TMTC2: variants seen among roughly 807,000 people sequenced by gnomAD.
TMTC2 encodes protein O-mannosyl-transferase TMTC2.
A neutral mutation model predicts 82.4 loss-of-function variants in TMTC2; 43 were observed. The ratio of observed to expected loss-of-function variants is 0.52; its 90% CI spans 0.41 to 0.67. The LOEUF is 0.67. TMTC2 is among the 30% of genes least tolerant of loss of function. The pLI is 0.00. For synonymous variants in TMTC2, 408 were observed against 381.9 expected, an observed-to-expected ratio of 1.07 and a Z score of -0.80; for missense variants, 919 against 1,012.4, an observed-to-expected ratio of 0.91 and a Z score of 1.25.
rs1297434594 is a variant in TMTC2, at chr12:82,896,446, G to A, written c.1283G>A (p.Ser428Asn). The A allele has an allele frequency of 1.9e-6, 3 of 1,613,986 alleles. No individual in the cohort carries two copies. Among genetic ancestry groups the A allele is most frequent in the Non-Finnish European group, 2.5e-6 (3 of 1,180,030 alleles). ...VIAERVLYIP[S>N]MGFCLLITVG... ...GCAGAGCGAGTATTATATATTCCTA[G>A]TATGGGCTTCTGCCTACTGATTACA... The change falls in exon 3 of 12, where the codon AGT becomes AAT. Residue 428 changes from serine to asparagine, a missense_variant. By Grantham distance (46) the Ser-to-Asn change is conservative. Transcript: ENST00000321196.
chr12:83,066,039 T>C (rs754029474), intron 11 of TMTC2, among the ~76,000 whole-genome samples: 38 of 152,134 alleles, frequency 2.5e-4, no homozygotes, highest in Middle Eastern at 3.4e-3. Context: ...CTGTGCCAAA[T>C]GTAGTAGGAT....
intron 1 of TMTC2, among the ~76,000 whole-genome samples, chr12:82,737,624 A>G (rs1457181277): frequency 6.6e-6 from 1 of 152,212 alleles, no homozygotes; most frequent in Non-Finnish European, 1.5e-5. Context: ...GTTTGTATAC[A>G]TTTTGTAAAT....
intron 1 of TMTC2, among the ~76,000 whole-genome samples, chr12:82,800,318 C>G (rs772508436): frequency 4.6e-5 from 7 of 152,112 alleles, no homozygotes; most frequent in Non-Finnish European, 5.9e-5. Context: ...CAGGCCTATT[C>G]CAGGCCTGAG....
chr12:82,895,550 G>A (rs959187634), intron 2 of TMTC2, among the ~76,000 whole-genome samples: 1 of 152,014 alleles, frequency 6.6e-6, no homozygotes, highest in African/African-American at 2.4e-5. Flanking sequence ...CAAAATTGAA[G>A]CTATGATTAT....
chr12:82,771,961 A>G (rs1877336314), intron 1 of TMTC2, among the ~76,000 whole-genome samples: 1 of 152,190 alleles, frequency 6.6e-6, no homozygotes, highest in Non-Finnish European at 1.5e-5. Flanking sequence ...TCAATCTTCT[A>G]TTCTCGCAGA....
chr12:82,812,673 A>G (rs1868465779), intron 1 of TMTC2, among the ~76,000 whole-genome samples: 1 of 152,106 alleles, frequency 6.6e-6, no homozygotes, highest in African/African-American at 2.4e-5. Context: ...GTTTATTGAA[A>G]TAATTAAACA....
intron 8 of TMTC2, among the ~76,000 whole-genome samples, chr12:83,020,170 C>A (rs1196941439): frequency 2.0e-5 from 3 of 152,188 alleles, no homozygotes; most frequent in Non-Finnish European, 4.4e-5. Context: ...TTGTGTTTGT[C>A]ATACTCTTAG....
At chr12:83,073,952 A>G (rs1007496147) in intron 11 of TMTC2, among the ~76,000 whole-genome samples, 6 of 152,098 alleles carry the variant, frequency 3.9e-5, no homozygotes, top group African/African-American at 1.2e-4. Context: ...TGGCTTAATA[A>G]CTAACCTCCT....
At chr12:83,126,431 A>T (rs150391093) in intron 11 of TMTC2, among the ~76,000 whole-genome samples, 1 of 152,244 alleles carries the variant, frequency 6.6e-6, no homozygotes, top group East Asian at 1.9e-4. Context: ...TATAATAAAA[A>T]ACCTGCATAT....
intron 8 of TMTC2, among the ~76,000 whole-genome samples, chr12:82,999,569 A>G (rs1230855656): frequency 6.6e-6 from 1 of 152,232 alleles, no homozygotes; most frequent in Non-Finnish European, 1.5e-5. Context: ...CCACAAAATC[A>G]TGGCGGAAGG....
At chr12:83,125,063 A>G (rs1233399349) in intron 11 of TMTC2, among the ~76,000 whole-genome samples, 6 of 152,212 alleles carry the variant, frequency 3.9e-5, no homozygotes, top group Non-Finnish European at 8.8e-5. Context: ...CAGAAAGGCT[A>G]TAAAGGTTAT....
intron 3 of TMTC2, among the ~76,000 whole-genome samples, chr12:82,920,765 GCTTAGT>G (rs1173022191): frequency 1.3e-5 from 2 of 152,024 alleles, no homozygotes; most frequent in African/African-American, 2.4e-5. Context: ...AATTATATAT[GCTTAGT>G]CTTAGGATTG....
chr12:83,091,695 A>G lies in TMTC2; in HGVS notation c.2331+29864A>G, dbSNP rs535300539. ...TCATTTTCTGTGAGACTTGATTTTC[A>G]TATCTTTTGCACATTTTTTAGTGAG... On this transcript the variant is annotated intron_variant, in intron 11 of 11. Transcript: ENST00000321196. Among the ~76,000 whole-genome samples, 13 of 152,214 alleles carry G rather than the reference A, an allele frequency of 8.5e-5. No individual in the cohort carries two copies. In the South Asian group the frequency reaches 2.7e-3, roughly 32 times the overall value.
Position 82,857,067 on chromosome 12 carries a change from C to G in TMTC2, c.141C>G (p.Phe47Leu). Residue 47 changes from phenylalanine to leucine, a missense_variant, in exon 2 of 12, where the codon TTC becomes TTG. Physicochemically the swap from Phe to Leu is conservative, Grantham distance 22 (BLOSUM62 0). Coordinates refer to ENST00000321196, the MANE Select transcript of TMTC2 (RefSeq NM_152588.3). ...LLPETPWTHI[F>L]YNDFWGTLLT... The stretch of plus-strand genomic sequence containing the variant: ...CAGAAACTCCATGGACGCACATTTT[C>G]TACAATGATTTTTGGGGGACTCTTC... The G allele has an allele frequency of 6.2e-7, 1 of 1,613,572 alleles. No individual in the cohort carries two copies. Among genetic ancestry groups the G allele is most frequent in the Non-Finnish European group, 8.5e-7 (1 of 1,180,024 alleles).
At chr12:82,742,026 G>A (rs1012974596) in intron 1 of TMTC2, among the ~76,000 whole-genome samples, 2 of 152,072 alleles carry the variant, frequency 1.3e-5, no homozygotes, top group African/African-American at 4.8e-5. Context: ...ATGTTTCAGC[G>A]TGAATGTCCC....
chr12:83,022,722 T>C (rs917782438), intron 8 of TMTC2, among the ~76,000 whole-genome samples: 18 of 151,896 alleles, frequency 1.2e-4, no homozygotes, highest in Admixed American at 1.2e-3. Context: ...TCTCAAAAGA[T>C]CCAGTGACTA....
At chr12:82,907,206 A>G (rs1874364654) in intron 3 of TMTC2, among the ~76,000 whole-genome samples, 1 of 151,878 alleles carries the variant, frequency 6.6e-6, no homozygotes, top group Non-Finnish European at 1.5e-5. Flanking sequence ...GCTCATGCCT[A>G]TAATACCAGC....
chr12:82,919,031 C>T (rs921959918), intron 3 of TMTC2, among the ~76,000 whole-genome samples: 1 of 152,242 alleles, frequency 6.6e-6, no homozygotes, highest in African/African-American at 2.4e-5. Context: ...GCTGGGATTA[C>T]AGGCGTAAGC....
intron 10 of TMTC2, among the ~76,000 whole-genome samples, chr12:83,056,155 A>C (rs1462175514): frequency 2.0e-5 from 3 of 151,970 alleles, no homozygotes; most frequent in Non-Finnish European, 4.4e-5. Flanking sequence ...TTATACTTTT[A>C]TAATAAATTT....
Sources: allele counts gnomAD v4.1 joint callset (sites outside exome capture counted in the v4.1 genomes callset), GRCh38; gene constraint gnomAD v4.1.1; transcripts MANE v1.5; gene names NCBI Gene and HGNC (gene_info 2026-07-23, HGNC 2026-07-21).